The following SPOUT1 variants were observed in gnomAD, a reference collection of about 807,000 sequenced individuals.
The protein encoded by SPOUT1 is 28S rRNA (uridine-N(3))-methyltransferase.
Under a neutral mutation model 54.8 loss-of-function variants are expected in SPOUT1, and 40 were observed. That is an observed-to-expected ratio of 0.73 (90% CI 0.57 to 0.95). The LOEUF is 0.95. Ranked by LOEUF, SPOUT1 falls within the 40% of genes least tolerant of loss-of-function variation. SPOUT1 has a pLI of 0.00. For synonymous variants in SPOUT1, 193 were observed against 200.3 expected (o/e 0.96, Z 0.31); for missense variants, 437 against 499.5 (o/e 0.87, Z 1.19).
At chr9:128,828,057 T>C (rs1830274863) in intron 3 of SPOUT1, among the ~76,000 whole-genome samples, 1 of 152,266 alleles carries the variant, frequency 6.6e-6, no homozygotes, top group Non-Finnish European at 1.5e-5. Flanking sequence ...TTGCTGGGAT[T>C]GTTCCTGTCT....
intron 3 of SPOUT1, among the ~76,000 whole-genome samples, 187 bp downstream of exon 3, chr9:128,828,548 C>T (rs540553964): frequency 1.3e-5 from 2 of 151,830 alleles, no homozygotes; most frequent in East Asian, 1.9e-4. Context: ...TTGAAATTTA[C>T]CTAAGCAGGA....
At chr9:128,823,473 C>T (rs939671133) in intron 11 of SPOUT1, among the ~76,000 whole-genome samples, 6 of 152,166 alleles carry the variant, frequency 3.9e-5, no homozygotes, top group African/African-American at 9.7e-5. Context: ...GATCACTGAG[C>T]GCACGGCTAA....
chr9:128,827,278 G>C lies in SPOUT1; in HGVS notation c.209-87C>G, dbSNP rs12347786. ...CCTTCCTCTGTCCCTAGCGCCCATG[G>C]TTTGAGAATTTCCCAAGTGGGAGGA... On this transcript the variant is annotated intron_variant, in intron 3 of 11. Coordinates refer to ENST00000361256, the MANE Select transcript of SPOUT1 (RefSeq NM_016390.4). The C allele has an allele frequency of 2.2e-3, 2,860 of 1,304,072 alleles. 44 individuals are homozygous for C. The East Asian group carries it at 0.04, about 18-fold the overall frequency. 80.8% of individuals were successfully genotyped at this position (1,304,072 alleles called of 1,614,324 possible). A position where few individuals can be genotyped will look rare whatever the true frequency, so the allele number is the denominator to read the frequency against.
rs1459002614 is a variant in SPOUT1 at position 128,824,984 on chromosome 9, C to A, written c.705G>T (p.Gln235His). Residue 235 changes from glutamine (Q) to histidine (H), a missense_variant, in exon 8 of 12, where the codon CAG (glutamine) becomes CAT (histidine). By Grantham distance (24) the Gln-to-His change is conservative. Transcript: ENST00000361256. ...LRVTVRLNQQ[Q>H]HPDCKTYHGK... ...GGGGAACCTTCCAGATACCTGGGTG[C>A]TGCTGCTGGTTCAGTCGCACAGTCA... The A allele has an allele frequency of 1.3e-6, 2 of 1,596,304 alleles. No individual in the cohort carries two copies. The highest frequency in any genetic ancestry group is 1.3e-5 in the African/African-American group (1 of 74,792).
rs1224638726 is a variant in SPOUT1 at position 128,821,434 on chromosome 9, G to A, written c.*1331C>T. Reference sequence around the variant, plus strand: ...CACCGAGCTCTCATGCCTTCCCCCTGCAGGTCCGCGGTGCACCAGGCTCTC... The same window carrying A: ...CACCGAGCTCTCATGCCTTCCCCCTACAGGTCCGCGGTGCACCAGGCTCTC... On this transcript the variant is annotated 3_prime_UTR_variant, in exon 12 of 12. Transcript: ENST00000361256. 1.9e-5 allele frequency: 3 copies of A among 161,870 alleles called. No homozygotes were observed. Among genetic ancestry groups the A allele is most frequent in the African/African-American group, 7.3e-5 (3 of 41,366 alleles). 10.0% of individuals were successfully genotyped at this position (161,870 alleles called of 1,614,324 possible).
chr9:128,822,495 TG>T lies in SPOUT1; in HGVS notation c.*269del, dbSNP rs1830140817. On this transcript the variant is annotated 3_prime_UTR_variant, in exon 12 of 12. Coordinates refer to ENST00000361256, the MANE Select transcript of SPOUT1 (RefSeq NM_016390.4). ...GCACCTGTGGATGAGGCCATCCCAC[TG>T]GAGCGCTTCCTGGTGCCCATCGAGA... The T allele has an allele frequency of 1.3e-6, 2 of 1,563,458 alleles. No individual in the cohort carries two copies. Among genetic ancestry groups the T allele is most frequent in the Admixed American group, 1.9e-5 (1 of 51,882 alleles).
At position 128,822,612 on chromosome 9, in the gene SPOUT1, G is replaced by C; in HGVS notation, c.*153C>G. ...GCCATCACGGCGGGCAGTAAGTGAG[G>C]GTGGAGCCCAGTGAGACTGTGGGTG... On this transcript the variant is annotated 3_prime_UTR_variant, in exon 12 of 12. Coordinates refer to ENST00000361256, the MANE Select transcript of SPOUT1 (RefSeq NM_016390.4). The C allele has an allele frequency of 6.4e-7, 1 of 1,567,054 alleles. No individual in the cohort carries two copies. The highest frequency in any genetic ancestry group is 8.7e-7 in the Non-Finnish European group (1 of 1,155,638).
chr9:128,825,091 A>G, intron 7 of SPOUT1, 42 bp from the exon 8 acceptor site: 1 of 1,441,400 alleles, frequency 6.9e-7, no homozygotes, highest in Non-Finnish European at 9.5e-7. Context: ...TCCTCTCAAG[A>G]TCAGCAGGGG....
At chr9:128,829,670 G>A in intron 1 of SPOUT1, 75 bp downstream of exon 1, 2 of 1,202,916 alleles carry the variant, frequency 1.7e-6, no homozygotes, top group Non-Finnish European at 2.4e-6. Context: ...CCCGGCCCCG[G>A]CGAAGGCCCC....
At position 128,826,630 on chromosome 9, in the gene SPOUT1, C is replaced by G. The variant is rs1265108605; in HGVS notation, c.369-1G>C. ...TCCTGTGAATTCCCCCTCCACAGTC[C>G]TGGAGAGAGAGAGATGGGGGCTCAG... On this transcript the variant is annotated splice_acceptor_variant, in intron 4 of 11. Transcript: ENST00000361256. LOFTEE classifies it high-confidence loss of function. The surrounding 1 kb of genome is among the most constrained non-coding windows in gnomAD (Gnocchi z 5.5). 1 of 1,561,484 alleles carries G rather than the reference C, an allele frequency of 6.4e-7. No individual in the cohort carries two copies. The highest frequency in any genetic ancestry group is 1.2e-5 in the South Asian group (1 of 82,034).
chr9:128,823,611 C>A, intron 11 of SPOUT1, 136 bp downstream of exon 11: 1 of 733,852 alleles, frequency 1.4e-6, no homozygotes, highest in African/African-American at 1.8e-5. Flanking sequence ...TGGCAAGAGG[C>A]CAAGGGGGAT....
chr9:128,829,704 C>A, intron 1 of SPOUT1, 41 bp downstream of exon 1: 1 of 1,494,794 alleles, frequency 6.7e-7, no homozygotes, highest in Non-Finnish European at 9.2e-7. Context: ...CTCACGCCTC[C>A]ACCATGCTGC....
At chr9:128,828,690 T>C (rs375210093) in intron 3 of SPOUT1, 45 bp downstream of exon 3, 1 of 1,607,132 alleles carries the variant, frequency 6.2e-7, no homozygotes, top group African/African-American at 1.3e-5. Flanking sequence ...GCAGGACAAC[T>C]ACCGTGGGCC....
At chr9:128,828,658 A>G (rs1830287072) in intron 3 of SPOUT1, 77 bp downstream of exon 3, 1 of 1,524,118 alleles carries the variant, frequency 6.6e-7, no homozygotes, top group Non-Finnish European at 9.0e-7. Context: ...GCCCTTTCAG[A>G]TAAGACATCT....
intron 1 of SPOUT1, 91 bp downstream of exon 1, chr9:128,829,654 G>C (rs1421253271): frequency 2.0e-6 from 2 of 991,760 alleles, no homozygotes; most frequent in Non-Finnish European, 3.0e-6. Flanking sequence ...GCAGCAGGAG[G>C]CGCGGCCCGG....
At position 128,820,786 on chromosome 9, in the gene SPOUT1, C is replaced by G; in HGVS notation, c.*1979G>C. 1.2e-5 allele frequency: 19 copies of G among 1,612,540 alleles called. No individual in the cohort carries two copies. The highest frequency in any genetic ancestry group is 1.4e-5 in the Non-Finnish European group (17 of 1,179,352). On this transcript the variant is annotated 3_prime_UTR_variant, in exon 12 of 12. Transcript: ENST00000361256. ...CCTGGAACAACCTGGAGAAATATAG[C>G]CGCAGCTTGACCCGCAGCTACCAAA...
intron 7 of SPOUT1, 35 bp from the exon 8 acceptor site, chr9:128,825,084 T>A (rs1402531168): frequency 6.7e-7 from 1 of 1,492,818 alleles, no homozygotes; most frequent in African/African-American, 1.4e-5. Context: ...GTGCCATTCC[T>A]CTCAAGATCA....
intron 7 of SPOUT1, 141 bp from the exon 8 acceptor site, chr9:128,825,190 C>A: frequency 1.5e-6 from 1 of 645,554 alleles, no homozygotes; most frequent in Non-Finnish European, 2.8e-6. Context: ...CCACCCCTGG[C>A]ACCGGCTGAA....
Position 128,827,085 on chromosome 9 carries a change from G to A in SPOUT1, c.315C>T (p.Ala105=), listed in dbSNP as rs746228135. ...CCACGATCTCATCCACACAGAAGATGGCACAGGCTCTGGCAATCTGACCGG... is the reference window on the plus strand; with the variant it reads ...CCACGATCTCATCCACACAGAAGATAGCACAGGCTCTGGCAATCTGACCGG... ...YLAGQIARAC[A]IFCVDEIVVF... is the part of the protein sequence containing the mutation. The change falls in exon 4 of 12, where the codon GCC becomes GCT. Residue 105 remains alanine, a synonymous_variant. Coordinates refer to ENST00000361256, the MANE Select transcript of SPOUT1 (RefSeq NM_016390.4). 1 of 1,614,146 alleles carries A rather than the reference G, an allele frequency of 6.2e-7. No homozygotes were observed. Among genetic ancestry groups the A allele is most frequent in the African/African-American group, 1.3e-5 (1 of 75,058 alleles).
Sources: allele counts gnomAD v4.1 joint callset (sites outside exome capture counted in the v4.1 genomes callset), GRCh38; gene constraint gnomAD v4.1.1; non-coding constraint Gnocchi (gnomAD v3.1); transcripts MANE v1.5; gene names NCBI Gene and HGNC (gene_info 2026-07-23, HGNC 2026-07-21).